SKAP1: variants seen among roughly 807,000 people sequenced by gnomAD.
The protein encoded by SKAP1 is src kinase associated phosphoprotein 1.
SKAP1 carries 44 observed loss-of-function variants against 58.5 expected under a neutral mutation model. That is an observed-to-expected ratio of 0.75 (90% CI 0.59 to 0.97). SKAP1 has a LOEUF of 0.97. Among genes scored for constraint, SKAP1 ranks in the 50% least tolerant of loss-of-function variants. The pLI is 0.00. For missense variants in SKAP1, 390 were observed against 435.2 expected, an observed-to-expected ratio of 0.90 and a Z score of 0.92; for synonymous variants, 127 against 149.7, an observed-to-expected ratio of 0.85 and a Z score of 1.11.
chr17:48,324,652 G>A (rs1250267972), intron 4 of SKAP1, among the ~76,000 whole-genome samples: 4 of 152,000 alleles, frequency 2.6e-5, no homozygotes, highest in Admixed American at 1.3e-4. Flanking sequence ...TCTGTTGCAT[G>A]GTAGTAGCTC....
At chr17:48,179,567 T>C (rs1451888060) in intron 9 of SKAP1, among the ~76,000 whole-genome samples, 1 of 152,146 alleles carries the variant, frequency 6.6e-6, no homozygotes, top group African/African-American at 2.4e-5. Flanking sequence ...TAATAATGAG[T>C]TGTTCTCTAT....
At chr17:48,379,269 C>T (rs1418951885) in intron 2 of SKAP1, among the ~76,000 whole-genome samples, 2 of 152,180 alleles carry the variant, frequency 1.3e-5, no homozygotes, top group Non-Finnish European at 2.9e-5. Context: ...CAATTTGTTT[C>T]CTCATTAGAA....
intron 4 of SKAP1, among the ~76,000 whole-genome samples, chr17:48,219,920 T>C (rs1026287700): frequency 6.6e-6 from 1 of 152,184 alleles, no homozygotes; most frequent in African/African-American, 2.4e-5. Flanking sequence ...CTGGCAAATG[T>C]ACAATGGAAG....
intron 4 of SKAP1, among the ~76,000 whole-genome samples, chr17:48,245,377 C>G (rs571057134): frequency 1.3e-5 from 2 of 152,054 alleles, no homozygotes; most frequent in South Asian, 4.2e-4. Context: ...ACGATAGTGA[C>G]AGGTTGCTGT....
At chr17:48,390,700 C>A (rs2067333568) in intron 2 of SKAP1, among the ~76,000 whole-genome samples, 1 of 152,180 alleles carries the variant, frequency 6.6e-6, no homozygotes, top group Non-Finnish European at 1.5e-5. Flanking sequence ...TCCCAAACTC[C>A]TTTTCACTCT....
chr17:48,168,233 TC>T lies in SKAP1; in HGVS notation c.877+2375del, dbSNP rs575907501. 2.3e-4 allele frequency among the ~76,000 whole-genome samples: 35 copies of T among 152,262 alleles called. No homozygotes were observed. The South Asian group carries it at 7.3e-3, about 32-fold the overall frequency. On this transcript the variant is annotated intron_variant, in intron 10 of 12. Transcript: ENST00000336915. ...AAAGCACAGCATTCAAGGAACAGGA[TC>T]CATCGAGGTTGGAGAAAAGTACTTG...
At chr17:48,221,034 C>G (rs1243184875) in intron 4 of SKAP1, among the ~76,000 whole-genome samples, 7 of 151,888 alleles carry the variant, frequency 4.6e-5, no homozygotes, top group African/African-American at 1.7e-4. Context: ...TTTCGGAGGC[C>G]AAGGCAGGCG....
intron 4 of SKAP1, among the ~76,000 whole-genome samples, chr17:48,328,251 C>A (rs1158541395): frequency 6.6e-6 from 1 of 152,220 alleles, no homozygotes; most frequent in East Asian, 1.9e-4. Flanking sequence ...GTGTAAAGTG[C>A]TATAAAGTGT....
chr17:48,215,371 C>T (rs16953909), intron 4 of SKAP1, among the ~76,000 whole-genome samples: 4,115 of 152,236 alleles, frequency 0.027, 175 homozygotes, highest in African/African-American at 0.092. Context: ...TTGGCCATAG[C>T]CTTGTGATTT....
At chr17:48,217,261 C>A (rs1198988942) in intron 4 of SKAP1, among the ~76,000 whole-genome samples, 2 of 152,034 alleles carry the variant, frequency 1.3e-5, no homozygotes, top group Non-Finnish European at 2.9e-5. Flanking sequence ...AAGAGTGAGA[C>A]CTGCCCTCTC....
chr17:48,197,790 C>T (rs2064658465), intron 4 of SKAP1, among the ~76,000 whole-genome samples: 1 of 152,226 alleles, frequency 6.6e-6, no homozygotes, highest in Admixed American at 6.5e-5. Flanking sequence ...CACAAGGTAA[C>T]TTACAGAAAC....
At chr17:48,336,069 C>G (rs2066564275) in intron 4 of SKAP1, among the ~76,000 whole-genome samples, 1 of 152,088 alleles carries the variant, frequency 6.6e-6, no homozygotes, top group African/African-American at 2.4e-5. Context: ...GTAGTATTTC[C>G]TTTTACCACG....
chr17:48,203,500 C>T (rs548562677), intron 4 of SKAP1, among the ~76,000 whole-genome samples: 1 of 152,320 alleles, frequency 6.6e-6, no homozygotes, highest in African/African-American at 2.4e-5. Context: ...TTCTCACAGG[C>T]AGGTATATAA....
At chr17:48,196,541 C>T (rs891010762) in intron 4 of SKAP1, 1 of 152,144 alleles carries the variant, frequency 6.6e-6, no homozygotes, top group East Asian at 1.9e-4. Context: ...GTTTTTCAAC[C>T]CTTGCTTCCC....
At chr17:48,405,427 TTC>T (rs1385798636) in intron 1 of SKAP1, among the ~76,000 whole-genome samples, 11 of 84,486 alleles carry the variant, frequency 1.3e-4, no homozygotes, top group African/African-American at 5.3e-4. Context: ...CTTTCTTTCT[TTC>T]TTTCTTTCTT....
intron 4 of SKAP1, among the ~76,000 whole-genome samples, chr17:48,259,419 A>T (rs1381430170): frequency 1.3e-5 from 2 of 152,132 alleles, no homozygotes; most frequent in Admixed American, 1.3e-4. Context: ...AGTGTCTGAT[A>T]ACTCATCTCT....
At chr17:48,271,362 C>CTTTTTTTTTTT (rs35447830) in intron 4 of SKAP1, among the ~76,000 whole-genome samples, 9 of 106,274 alleles carry the variant, frequency 8.5e-5, no homozygotes, top group South Asian at 3.2e-4. Flanking sequence ...TTCTTTGTTT[C>CTTTTTTTTTTT]TTTTTTTTTT....
intron 2 of SKAP1, among the ~76,000 whole-genome samples, chr17:48,388,248 A>G (rs1481510947): frequency 6.6e-6 from 1 of 152,164 alleles, no homozygotes; most frequent in Non-Finnish European, 1.5e-5. Context: ...AGCCTGGCCA[A>G]CATGGTGAAA....
At chr17:48,258,688 T>C (rs1403730942) in intron 4 of SKAP1, among the ~76,000 whole-genome samples, 1 of 152,146 alleles carries the variant, frequency 6.6e-6, no homozygotes, top group East Asian at 1.9e-4. Flanking sequence ...GTACCAGCTA[T>C]GGAACACACA....
Sources: gnomAD v4.1 joint callset for allele counts (sites outside exome capture counted in the v4.1 genomes callset) on GRCh38, gnomAD v4.1.1 for gene constraint, MANE v1.5 for transcripts, NCBI Gene and HGNC (gene_info 2026-07-23, HGNC 2026-07-21) for gene names.